COG6: variants seen among roughly 807,000 people sequenced by gnomAD.
COG6 encodes conserved oligomeric Golgi complex subunit 6.
A neutral mutation model predicts 88.8 loss-of-function variants in COG6; 74 were observed. The ratio of observed to expected loss-of-function variants is 0.83; its 90% CI spans 0.69 to 1.01. The LOEUF is 1.01. COG6 is among the 50% of genes least tolerant of loss of function. The probability of loss-of-function intolerance (pLI) is 0.00; values close to 1 mark genes in which losing one functional copy is unlikely to be tolerated. For missense variants in COG6, 800 were observed against 797.9 expected, an observed-to-expected ratio of 1.00 and a Z score of -0.03; for synonymous variants, 286 against 278.7, an observed-to-expected ratio of 1.03 and a Z score of -0.26.
intron 18 of COG6, among the ~76,000 whole-genome samples, chr13:39,764,327 AT>A (rs138381502): frequency 0.42 from 62,546 of 148,550 alleles, 13,367 homozygotes; most frequent in Admixed American, 0.57. Context: ...TACTTGGTTG[AT>A]TTTTTTTTTA....
intron 8 of COG6, among the ~76,000 whole-genome samples, chr13:39,682,656 A>G (rs1400208922): frequency 6.6e-6 from 1 of 152,162 alleles, no homozygotes; most frequent in African/African-American, 2.4e-5. Flanking sequence ...TGAAAAAAGA[A>G]TATTTAATAT....
At chr13:39,680,819 A>C (rs1237786569) in intron 7 of COG6, among the ~76,000 whole-genome samples, 1 of 152,002 alleles carries the variant, frequency 6.6e-6, no homozygotes, top group Non-Finnish European at 1.5e-5. Flanking sequence ...TCTATCTCAT[A>C]TCTCTAACTT....
At chr13:39,746,306 G>A (rs1232614587) in intron 18 of COG6, among the ~76,000 whole-genome samples, 1 of 151,504 alleles carries the variant, frequency 6.6e-6, no homozygotes, top group Non-Finnish European at 1.5e-5. Flanking sequence ...AAAAGCAAGA[G>A]GACAGAAACA....
intron 18 of COG6, among the ~76,000 whole-genome samples, chr13:39,761,156 C>T (rs1880997926): frequency 6.6e-6 from 1 of 151,854 alleles, no homozygotes; most frequent in South Asian, 2.1e-4. Flanking sequence ...TCAAAATTTC[C>T]TTATTAGGGT....
chr13:39,728,281 G>A (rs915577209), intron 18 of COG6, among the ~76,000 whole-genome samples: 2 of 152,246 alleles, frequency 1.3e-5, no homozygotes, highest in African/African-American at 4.8e-5. Context: ...ACATTGAAAT[G>A]TACAGTAAGG....
At chr13:39,706,699 A>T (rs1027405889) in intron 13 of COG6, among the ~76,000 whole-genome samples, 5 of 152,108 alleles carry the variant, frequency 3.3e-5, no homozygotes, top group Non-Finnish European at 1.5e-5. Context: ...TGATTAATTG[A>T]TTGGGTCAGA....
chr13:39,764,462 A>C (rs1397537815), intron 18 of COG6, among the ~76,000 whole-genome samples: 1 of 150,400 alleles, frequency 6.6e-6, no homozygotes, highest in Non-Finnish European at 1.5e-5. Context: ...ATTGATTTTC[A>C]GACCTTTTTC....
intron 18 of COG6, among the ~76,000 whole-genome samples, chr13:39,745,438 C>G (rs1351375508): frequency 1.3e-5 from 2 of 152,174 alleles, no homozygotes; most frequent in South Asian, 4.1e-4. Context: ...TGAACAGATA[C>G]TTCTCAAAAG....
At chr13:39,769,813 G>A (rs1458628609) in intron 18 of COG6, among the ~76,000 whole-genome samples, 2 of 152,150 alleles carry the variant, frequency 1.3e-5, no homozygotes, top group African/African-American at 4.8e-5. Context: ...AGGCATGAGA[G>A]AGCTTGTTTG....
At chr13:39,726,027 G>A (rs976613577) in intron 17 of COG6, among the ~76,000 whole-genome samples, 1 of 151,712 alleles carries the variant, frequency 6.6e-6, no homozygotes, top group Admixed American at 6.6e-5. Flanking sequence ...CATGTTCCTG[G>A]TGTTAATTTT....
At chr13:39,723,555 A>G in intron 16 of COG6, 115 bp downstream of exon 16, 1 of 687,198 alleles carries the variant, frequency 1.5e-6, no homozygotes, top group African/African-American at 1.8e-5. Flanking sequence ...TTCTCCTGGG[A>G]AAGTGACTTA....
chr13:39,736,182 C>T (rs893036840), intron 18 of COG6, among the ~76,000 whole-genome samples: 3 of 151,706 alleles, frequency 2.0e-5, no homozygotes, highest in Non-Finnish European at 4.4e-5. Flanking sequence ...ATGTGTGCTT[C>T]ATTTTTTTTT....
At position 39,709,459 on chromosome 13, in the gene COG6, C is replaced by T. The variant is rs186049597; in HGVS notation, c.1285-9777C>T. On this transcript the variant is annotated intron_variant, in intron 13 of 18. Transcript: ENST00000455146. ...CCCATTCCCCTCCCACCCTCCCAAC[C>T]TGTCTGAGTCTCCATTGTCTATTAT... Among the ~76,000 whole-genome samples the T allele has an allele frequency of 4.4e-3, 654 of 149,638 alleles. 5 individuals are homozygous for T. Among genetic ancestry groups the T allele is most frequent in the African/African-American group, 0.015 (607 of 40,620 alleles).
chr13:39,694,955 G>A lies in COG6; in HGVS notation c.1166+230G>A, dbSNP rs1023569868. Among the ~76,000 whole-genome samples, 501 of 142,666 alleles carry A rather than the reference G, an allele frequency of 3.5e-3. 4 individuals carry two copies. Among genetic ancestry groups the A allele is most frequent in the Non-Finnish European group, 4.6e-3 (299 of 65,152 alleles). 93.6% of individuals were successfully genotyped at this position (142,666 alleles called of 152,430 possible). ...CTTTTTTCTCCAAGCTTAACTACAC[G>A]CACACACACACACACACACACACAC... is the stretch of plus-strand genomic sequence containing the variant. On this transcript the variant is annotated intron_variant, in intron 12 of 18. Coordinates refer to ENST00000455146, the MANE Select transcript of COG6 (RefSeq NM_020751.3).
At chr13:39,694,943 G>A (rs551251430) in intron 12 of COG6, among the ~76,000 whole-genome samples, 2 of 134,146 alleles carry the variant, frequency 1.5e-5, no homozygotes, top group South Asian at 4.9e-4. Flanking sequence ...TTTTCTCCAA[G>A]CTTAACTACA....
At chr13:39,723,193 A>G in intron 15 of COG6, 140 bp from the exon 16 acceptor site, 1 of 648,780 alleles carries the variant, frequency 1.5e-6, no homozygotes, top group Non-Finnish European at 2.8e-6. Flanking sequence ...TCATAGAAAG[A>G]CTTACTGTTT....
At chr13:39,780,755 G>C (rs1881604761) in intron 18 of COG6, among the ~76,000 whole-genome samples, 2 of 152,088 alleles carry the variant, frequency 1.3e-5, no homozygotes, top group South Asian at 4.2e-4. Context: ...ATTTCCCCTT[G>C]TGTTTAGTCA....
chr13:39,704,113 A>G (rs1030941850), intron 13 of COG6, among the ~76,000 whole-genome samples: 1 of 152,122 alleles, frequency 6.6e-6, no homozygotes, highest in Non-Finnish European at 1.5e-5. Flanking sequence ...TTAGTATCTT[A>G]TTCTTTCCCA....
At chr13:39,735,721 TTTTTG>T (rs201783891) in intron 18 of COG6, among the ~76,000 whole-genome samples, 50,578 of 141,380 alleles carry the variant, frequency 0.36, 8,372 homozygotes, top group Admixed American at 0.51. Flanking sequence ...TTTTTTTTTT[TTTTTG>T]GTCTGGGAAA....
Sources: gnomAD v4.1 joint callset for allele counts (sites outside exome capture counted in the v4.1 genomes callset) on GRCh38, gnomAD v4.1.1 for gene constraint, MANE v1.5 for transcripts, NCBI Gene and HGNC (gene_info 2026-07-23, HGNC 2026-07-21) for gene names.